The following FHIT variants were observed in gnomAD, a reference collection of about 807,000 sequenced individuals.
The protein encoded by FHIT is fragile histidine triad diadenosine triphosphatase.
Under a neutral mutation model 17.9 loss-of-function variants are expected in FHIT, and 19 were observed. The ratio of observed to expected loss-of-function variants is 1.06; its 90% confidence interval spans 0.74 to 1.56. The LOEUF (loss-of-function observed/expected upper bound fraction) is 1.56, where lower values mean the gene tolerates loss of function less well. Ranked by LOEUF, FHIT falls within the 40% of genes most tolerant of loss-of-function variation. The pLI is 0.00. For missense variants in FHIT, 248 were observed against 189.2 expected, an observed-to-expected ratio of 1.31 and a Z score of -1.82; for synonymous variants, 81 against 69.7, an observed-to-expected ratio of 1.16 and a Z score of -0.81.
At chr3:60,966,190 G>A (rs1709732478) in intron 3 of FHIT, among the ~76,000 whole-genome samples, 1 of 152,188 alleles carries the variant, frequency 6.6e-6, no homozygotes, top group Admixed American at 6.5e-5. Flanking sequence ...AACTCAGACT[G>A]CTGTGCTAGC....
At chr3:59,962,907 T>G (rs978683013) in intron 7 of FHIT, among the ~76,000 whole-genome samples, 1 of 152,210 alleles carries the variant, frequency 6.6e-6, no homozygotes, top group African/African-American at 2.4e-5. Context: ...GCACTTTGCA[T>G]AGGATTCAGC....
At chr3:59,948,189 G>A (rs1467773791) in intron 7 of FHIT, among the ~76,000 whole-genome samples, 1 of 151,936 alleles carries the variant, frequency 6.6e-6, no homozygotes. Context: ...TGGGTCCTAT[G>A]ATAAGTATAC....
chr3:60,928,593 TAA>T (rs533923982), intron 3 of FHIT, among the ~76,000 whole-genome samples: 4 of 138,400 alleles, frequency 2.9e-5, no homozygotes, highest in African/African-American at 7.9e-5. Context: ...TTTTAAATGC[TAA>T]AAAAAAAAAA....
At position 60,359,269 on chromosome 3, in the gene FHIT, GA is replaced by G. The variant is rs536463358; in HGVS notation, c.103+177590del. Among the ~76,000 whole-genome samples the G allele has an allele frequency of 4.8e-5, 7 of 144,674 alleles. No individual in the cohort carries two copies. In the South Asian group the frequency reaches 1.6e-3, roughly 33 times the overall value. The allele number at this position is 144,674 out of a possible 152,430, so 94.9% of individuals were successfully genotyped here. Reference sequence around the variant, plus strand: ...CCAAAATATATTATTACTTGAATATGAAAATATCTTTTTTTTTTTTTTTTTT... The same window carrying G: ...CCAAAATATATTATTACTTGAATATGAAATATCTTTTTTTTTTTTTTTTTT... On this transcript the variant is annotated intron_variant, in intron 5 of 9. Coordinates refer to ENST00000492590, the MANE Select transcript of FHIT (RefSeq NM_002012.4).
intron 5 of FHIT, among the ~76,000 whole-genome samples, chr3:60,408,606 G>C (rs1469337834): frequency 6.6e-6 from 1 of 152,152 alleles, no homozygotes; most frequent in East Asian, 1.9e-4. Flanking sequence ...GAGACAATCA[G>C]GGAGAGAAAA....
At chr3:60,644,221 T>A (rs1373815507) in intron 4 of FHIT, among the ~76,000 whole-genome samples, 1 of 152,202 alleles carries the variant, frequency 6.6e-6, no homozygotes, top group Non-Finnish European at 1.5e-5. Flanking sequence ...TTAACATGCT[T>A]TCCTGCTACT....
chr3:60,073,926 T>G (rs1702893892), intron 5 of FHIT, among the ~76,000 whole-genome samples: 1 of 152,192 alleles, frequency 6.6e-6, no homozygotes. Flanking sequence ...TAGATTGTTG[T>G]TCAGTAAATA....
intron 3 of FHIT, among the ~76,000 whole-genome samples, chr3:60,888,321 G>C (rs1288621446): frequency 2.0e-5 from 3 of 152,164 alleles, no homozygotes; most frequent in African/African-American, 7.2e-5. Context: ...TGTTTCAAAA[G>C]GCAGCAAGGT....
intron 8 of FHIT, among the ~76,000 whole-genome samples, chr3:59,855,677 CAATA>C (rs1486690596): frequency 6.6e-6 from 1 of 151,514 alleles, no homozygotes; most frequent in Non-Finnish European, 1.5e-5. Flanking sequence ...AGAAAAACCA[CAATA>C]AATATGAGCA....
Position 61,004,571 on chromosome 3 carries a change from G to A in FHIT, c.-111+37476C>T, listed in dbSNP as rs116492688. 2.2e-3 allele frequency among the ~76,000 whole-genome samples: 339 copies of A among 152,328 alleles called. 1 individual carries two copies. The highest frequency in any genetic ancestry group is 7.7e-3 in the African/African-American group (320 of 41,582). On this transcript the variant is annotated intron_variant, in intron 3 of 9. Transcript: ENST00000492590. ...CCAGAACTTGGAAAGAGAAAGTCTG[G>A]TGGAGAGGTCAACCTCGAGAAGAGC...
chr3:60,514,235 C>G (rs1005670284), intron 5 of FHIT, among the ~76,000 whole-genome samples: 1 of 152,246 alleles, frequency 6.6e-6, no homozygotes, highest in Non-Finnish European at 1.5e-5. Context: ...CTGGCTAACA[C>G]TTAAGCTGTC....
chr3:60,222,561 C>T (rs183650416), intron 5 of FHIT, among the ~76,000 whole-genome samples: 18 of 152,214 alleles, frequency 1.2e-4, no homozygotes, highest in Non-Finnish European at 1.8e-4. Flanking sequence ...GAGGTTGAGG[C>T]GGGTGGATCA....
chr3:60,374,891 T>C (rs1180537233), intron 5 of FHIT, among the ~76,000 whole-genome samples: 1 of 151,904 alleles, frequency 6.6e-6, no homozygotes, highest in Admixed American at 6.6e-5. Context: ...TGCTCTACAG[T>C]CAGTTAACAG....
intron 8 of FHIT, among the ~76,000 whole-genome samples, chr3:59,776,988 C>T (rs1702354000): frequency 6.6e-6 from 1 of 152,152 alleles, no homozygotes; most frequent in South Asian, 2.1e-4. Flanking sequence ...AAAATCTAAA[C>T]TCCTCTCTGA....
chr3:60,432,168 G>A (rs1349274591), intron 5 of FHIT, among the ~76,000 whole-genome samples: 1 of 151,996 alleles, frequency 6.6e-6, no homozygotes, highest in African/African-American at 2.4e-5. Flanking sequence ...TAGAGATAAG[G>A]TTTCATCATG....
chr3:60,930,622 C>G (rs575977163), intron 3 of FHIT, among the ~76,000 whole-genome samples: 11 of 152,310 alleles, frequency 7.2e-5, no homozygotes, highest in African/African-American at 2.6e-4. Context: ...AAATGCTGAT[C>G]ATCACTGGCC....
intron 5 of FHIT, among the ~76,000 whole-genome samples, chr3:60,378,225 A>G (rs1007089363): frequency 6.6e-6 from 1 of 151,534 alleles, no homozygotes; most frequent in Non-Finnish European, 1.5e-5. Context: ...ACGGGGTTTC[A>G]CCATTCACAG....
chr3:60,733,771 G>A (rs1273891119), intron 4 of FHIT, among the ~76,000 whole-genome samples: 2 of 152,086 alleles, frequency 1.3e-5, no homozygotes, highest in Non-Finnish European at 2.9e-5. Context: ...TAATGCCGAG[G>A]ACCCTTGGTC....
rs75972833 is a variant in FHIT at position 60,921,632 on chromosome 3, C to T, written c.-110-99621G>A. 4.2e-3 allele frequency among the ~76,000 whole-genome samples: 643 copies of T among 152,288 alleles called. 4 individuals are homozygous for T. Among genetic ancestry groups the T allele is most frequent in the African/African-American group, 0.014 (583 of 41,568 alleles). On this transcript the variant is annotated intron_variant, in intron 3 of 9. Coordinates refer to ENST00000492590, the MANE Select transcript of FHIT (RefSeq NM_002012.4). ...AAATGCCATCCCCTCTCCCCAAAAA[C>T]ATGACCACCATGAATTATCCAGTTG...
Sources: gnomAD v4.1 joint callset for allele counts (sites outside exome capture counted in the v4.1 genomes callset) on GRCh38, gnomAD v4.1.1 for gene constraint, MANE v1.5 for transcripts, NCBI Gene and HGNC (gene_info 2026-07-23, HGNC 2026-07-21) for gene names.